STK3: variants seen among roughly 807,000 people sequenced by gnomAD.
STK3 encodes the protein serine/threonine-protein kinase 3.
STK3 carries 41 observed loss-of-function variants against 58.0 expected under a neutral mutation model. The observed-to-expected ratio is 0.71, with a 90% confidence interval of 0.55 to 0.92. The LOEUF (loss-of-function observed/expected upper bound fraction) is 0.92. Ranked by LOEUF, STK3 falls within the 40% of genes least tolerant of loss-of-function variation. STK3 has a pLI of 0.00. For synonymous variants in STK3, 170 were observed against 191.0 expected (o/e 0.89, Z 0.91); for missense variants, 479 against 602.7 (o/e 0.79, Z 2.15).
chr8:98,598,840 C>T (rs1296085686), intron 6 of STK3: 3 of 985,286 alleles, frequency 3.0e-6, no homozygotes, highest in African/African-American at 1.7e-5. Flanking sequence ...ACATACCAAA[C>T]CTCTGATTAT....
At chr8:98,378,635 C>T (rs1817700281) in intron 2 of STK3, among the ~76,000 whole-genome samples, 1 of 152,200 alleles carries the variant, frequency 6.6e-6, no homozygotes, top group Admixed American at 6.5e-5. Flanking sequence ...TAAATGATAG[C>T]TGTTTTTATC....
At chr8:98,435,606 G>A (rs998164103) in intron 2 of STK3, among the ~76,000 whole-genome samples, 6 of 152,086 alleles carry the variant, frequency 3.9e-5, no homozygotes, top group South Asian at 4.1e-4. Context: ...ACGGGGAGGC[G>A]GCTCTGCAGG....
chr8:98,671,182 C>A (rs1336859674), intron 6 of STK3, among the ~76,000 whole-genome samples: 1 of 151,542 alleles, frequency 6.6e-6, no homozygotes, highest in East Asian at 1.9e-4. Flanking sequence ...TAAGAACCTT[C>A]TCTTATAACA....
chr8:98,413,174 C>T (rs769669541), intron 3 of STK3: 24 of 293,154 alleles, frequency 8.2e-5, no homozygotes, highest in East Asian at 1.9e-4. Flanking sequence ...CCACCACGCC[C>T]GGTTATTTTT....
chr8:98,344,892 C>CAAAAAAAAA, the STK3 span, among the ~76,000 whole-genome samples: 4 of 47,398 alleles, frequency 8.4e-5, no homozygotes, highest in African/African-American at 1.7e-4. Flanking sequence ...GACTCCGTCT[C>CAAAAAAAAA]AAAAAAAAAA....
At chr8:98,365,310 A>G in the STK3 span, among the ~76,000 whole-genome samples, 2 of 152,344 alleles carry the variant, frequency 1.3e-5, no homozygotes, top group Admixed American at 6.5e-5. Context: ...TGATAAAGCC[A>G]GGGGAAGAAA....
chr8:98,515,028 A>G (rs1224025036), intron 10 of STK3, among the ~76,000 whole-genome samples: 3 of 152,130 alleles, frequency 2.0e-5, no homozygotes, highest in Non-Finnish European at 4.4e-5. Flanking sequence ...GATCAGATCC[A>G]GATGATTCTA....
At chr8:98,894,040 A>G (rs527702332) in intron 1 of STK3, among the ~76,000 whole-genome samples, 1 of 152,174 alleles carries the variant, frequency 6.6e-6, no homozygotes, top group African/African-American at 2.4e-5. Context: ...AGTTTGTTAT[A>G]CTACTGACCT....
chr8:98,829,195 T>C (rs890066521), upstream of STK3, among the ~76,000 whole-genome samples: 2 of 152,206 alleles, frequency 1.3e-5, no homozygotes, highest in Non-Finnish European at 2.9e-5. Flanking sequence ...GAATCATGGC[T>C]CTTTGCAAGG....
chr8:98,396,638 TCA>T (rs1330042567), downstream of STK3, among the ~76,000 whole-genome samples: 1 of 152,236 alleles, frequency 6.6e-6, no homozygotes, highest in Non-Finnish European at 1.5e-5. Flanking sequence ...ATCCAGGCCT[TCA>T]ATAAAACTTT....
At chr8:98,347,507 T>A in the STK3 span, among the ~76,000 whole-genome samples, 1 of 147,684 alleles carries the variant, frequency 6.8e-6, no homozygotes, top group African/African-American at 2.5e-5. Flanking sequence ...AGAGCGAGAC[T>A]CCGTCTCAAA....
chr8:98,564,308 A>G (rs1812295463), intron 8 of STK3, among the ~76,000 whole-genome samples: 2 of 152,178 alleles, frequency 1.3e-5, no homozygotes, highest in Non-Finnish European at 2.9e-5. Context: ...TGCCTGGCTT[A>G]TATCATTTAA....
intron 1 of STK3, among the ~76,000 whole-genome samples, chr8:98,792,530 CT>C (rs1476679435): frequency 7.6e-4 from 115 of 152,154 alleles, no homozygotes; most frequent in Non-Finnish European, 1.3e-3. Context: ...AACCCCGCCC[CT>C]ACTAAAAAAA....
intron 3 of STK3, among the ~76,000 whole-genome samples, chr8:98,408,481 AG>A (rs1300990971): frequency 6.6e-6 from 1 of 152,228 alleles, no homozygotes. Flanking sequence ...GAGAAAGACC[AG>A]GAGAAGAGAA....
intron 10 of STK3, among the ~76,000 whole-genome samples, chr8:98,496,910 C>T (rs189231624): frequency 1.4e-3 from 217 of 151,890 alleles, no homozygotes; most frequent in Middle Eastern, 3.4e-3. Flanking sequence ...AATATACTTA[C>T]TATTTAACTG....
At chr8:98,694,286 G>T (rs910257899) in intron 6 of STK3, among the ~76,000 whole-genome samples, 2 of 152,116 alleles carry the variant, frequency 1.3e-5, no homozygotes, top group Non-Finnish European at 2.9e-5. Flanking sequence ...TATCTGCAGG[G>T]CTCCTTTATT....
At chr8:98,831,899 ATCT>A (rs749250142) in intron 3 of STK3, among the ~76,000 whole-genome samples, 1 of 152,238 alleles carries the variant, frequency 6.6e-6, no homozygotes, top group Non-Finnish European at 1.5e-5. Flanking sequence ...TAAGGACAGT[ATCT>A]TCTTCCTATT....
chr8:98,410,960 T>TGTCC (rs1225188979), intron 3 of STK3, among the ~76,000 whole-genome samples: 1 of 152,222 alleles, frequency 6.6e-6, no homozygotes, highest in Non-Finnish European at 1.5e-5. Flanking sequence ...GACAACAACA[T>TGTCC]GTCCTTATTG....
chr8:98,625,433 C>T (rs1361880314), intron 6 of STK3, among the ~76,000 whole-genome samples: 1 of 152,168 alleles, frequency 6.6e-6, no homozygotes, highest in African/African-American at 2.4e-5. Flanking sequence ...CTCTCCCAGT[C>T]CCACCTCTAC....
Sources: gnomAD v4.1 joint callset for allele counts (sites outside exome capture counted in the v4.1 genomes callset) on GRCh38, gnomAD v4.1.1 for gene constraint, MANE v1.5 for transcripts, NCBI Gene and HGNC (gene_info 2026-07-23, HGNC 2026-07-21) for gene names.